PTN: variants seen among roughly 807,000 people sequenced by gnomAD.
PTN encodes the protein pleiotrophin, also known as heparin affin regulatory protein.
PTN carries 18 observed loss-of-function variants against 24.1 expected under a neutral mutation model. The observed-to-expected ratio is 0.75, with a 90% CI of 0.52 to 1.11. The LOEUF (loss-of-function observed/expected upper bound fraction) is 1.11, where lower values mean the gene tolerates loss of function less well. PTN is among the 50% of genes least tolerant of loss of function. The pLI is 0.00. For synonymous variants in PTN, 78 were observed against 68.6 expected, an observed-to-expected ratio of 1.14 and a Z score of -0.67; for missense variants, 163 against 198.8, an observed-to-expected ratio of 0.82 and a Z score of 1.08.
At chr7:137,338,842 T>C (rs768713821) in intron 1 of PTN, among the ~76,000 whole-genome samples, 13 of 152,114 alleles carry the variant, frequency 8.5e-5, no homozygotes, top group Non-Finnish European at 1.3e-4. Context: ...GAAAAAATAT[T>C]AAAAATGTGA....
chr7:137,257,518 T>C (rs1045997897), intron 1 of PTN, among the ~76,000 whole-genome samples: 2 of 152,226 alleles, frequency 1.3e-5, no homozygotes, highest in African/African-American at 4.8e-5. Context: ...TCTTTCATAA[T>C]GTACTCAAAT....
chr7:137,319,861 G>C (rs938419184), intron 1 of PTN, among the ~76,000 whole-genome samples: 7 of 152,138 alleles, frequency 4.6e-5, no homozygotes, highest in Admixed American at 4.6e-4. Context: ...GTAGCTTATA[G>C]TGTAACATCC....
intron 1 of PTN, among the ~76,000 whole-genome samples, chr7:137,290,698 T>C (rs529294489): frequency 6.6e-6 from 1 of 152,224 alleles, no homozygotes; most frequent in South Asian, 2.1e-4. Flanking sequence ...CAAAACCAAC[T>C]TCAAGAATTT....
chr7:137,259,707 T>A (rs1015794351), intron 1 of PTN, among the ~76,000 whole-genome samples: 57 of 151,774 alleles, frequency 3.8e-4, no homozygotes, highest in African/African-American at 1.4e-3. Flanking sequence ...GAGAGAGACA[T>A]GATTTAATTG....
intron 1 of PTN, among the ~76,000 whole-genome samples, chr7:137,332,753 CT>C (rs1404694368): frequency 1.3e-5 from 2 of 152,082 alleles, no homozygotes; most frequent in Admixed American, 1.3e-4. Flanking sequence ...AAATCCAGTT[CT>C]TTCAAGACCA....
Position 137,307,653 on chromosome 7 carries a change from CAT to C in PTN, c.-2+35784_-2+35785del, listed in dbSNP as rs1236201754. On this transcript the variant is annotated intron_variant, in intron 1 of 4. Transcript: ENST00000348225. The stretch of plus-strand genomic sequence containing the variant: ...ACATTACCTCCACAGTATGTATACA[CAT>C]ATATATATTTAATGTGAGTAATCCA... Among the ~76,000 whole-genome samples the C allele has an allele frequency of 6.6e-5, 10 of 152,036 alleles. No homozygotes were observed. In the East Asian group the frequency reaches 9.7e-4, roughly 15 times the overall value.
chr7:137,308,665 T>C (rs979013891), intron 1 of PTN, among the ~76,000 whole-genome samples: 1 of 152,126 alleles, frequency 6.6e-6, no homozygotes. Flanking sequence ...TAAGCCTTTA[T>C]GGCAGGCAGA....
chr7:137,228,942 T>C (rs1808381836), intron 4 of PTN, among the ~76,000 whole-genome samples: 1 of 151,862 alleles, frequency 6.6e-6, no homozygotes, highest in Admixed American at 6.6e-5. Context: ...GGCAGAAATA[T>C]ACTGGTTAAG....
chr7:137,275,334 A>C lies in PTN; in HGVS notation c.-1-20360T>G, dbSNP rs181343132. On this transcript the variant is annotated intron_variant, in intron 1 of 4. Transcript: ENST00000348225. The stretch of plus-strand genomic sequence containing the variant: ...AGGTCAGTTTAGTAATAAAAGAAGA[A>C]AGTATGGTATAGATGAGCTGAAGCC... Among the ~76,000 whole-genome samples, 236 of 152,324 alleles carry C rather than the reference A, an allele frequency of 1.5e-3. 1 individual carries two copies. Among genetic ancestry groups the C allele is most frequent in the Middle Eastern group, 6.8e-3 (2 of 294 alleles).
At chr7:137,311,024 A>G (rs1809972683) in intron 1 of PTN, among the ~76,000 whole-genome samples, 1 of 151,994 alleles carries the variant, frequency 6.6e-6, no homozygotes, top group Non-Finnish European at 1.5e-5. Flanking sequence ...TTGAGGTCAG[A>G]AGTTCGAAAC....
intron 4 of PTN, among the ~76,000 whole-genome samples, chr7:137,245,578 C>G (rs1191394588): frequency 6.6e-6 from 1 of 151,970 alleles, no homozygotes; most frequent in Non-Finnish European, 1.5e-5. Flanking sequence ...TACTTTTAAT[C>G]ATTATTTTAG....
rs991671378 is a variant in PTN at position 137,243,469 on chromosome 7, G to C, written c.451+7761C>G. ...GCATCATCTAGCCCCACAGGAGAGA[G>C]GGGTAAGTCTAATGATATACCCCAC... On this transcript the variant is annotated intron_variant, in intron 4 of 4. Transcript: ENST00000348225. 2.6e-5 allele frequency among the ~76,000 whole-genome samples: 4 copies of C among 152,212 alleles called. No individual in the cohort carries two copies. In the South Asian group the frequency reaches 8.3e-4, roughly 31 times the overall value.
chr7:137,279,653 A>G (rs1459892604), intron 1 of PTN, among the ~76,000 whole-genome samples: 1 of 152,236 alleles, frequency 6.6e-6, no homozygotes, highest in Non-Finnish European at 1.5e-5. Context: ...ATAGAGATAG[A>G]AAAGACTAAG....
At chr7:137,276,223 T>C (rs1809356743) in intron 1 of PTN, among the ~76,000 whole-genome samples, 1 of 152,196 alleles carries the variant, frequency 6.6e-6, no homozygotes, top group Admixed American at 6.5e-5. Flanking sequence ...ATTTGTTAAT[T>C]GATCTGTTAC....
intron 1 of PTN, among the ~76,000 whole-genome samples, chr7:137,289,573 G>A (rs1809608757): frequency 6.6e-6 from 1 of 152,272 alleles, no homozygotes; most frequent in East Asian, 1.9e-4. Flanking sequence ...TGTGGTCAGA[G>A]ACGGAGAAAG....
At chr7:137,307,223 C>T (rs563368610) in intron 1 of PTN, among the ~76,000 whole-genome samples, 3 of 152,224 alleles carry the variant, frequency 2.0e-5, no homozygotes, top group South Asian at 4.1e-4. Context: ...TCCTCATTGA[C>T]TCTTCATCAT....
At chr7:137,329,770 T>C (rs914616364) in intron 1 of PTN, among the ~76,000 whole-genome samples, 1 of 152,124 alleles carries the variant, frequency 6.6e-6, no homozygotes, top group African/African-American at 2.4e-5. Context: ...GCAACTGGCA[T>C]ATAGTGGGTA....
At chr7:137,242,292 G>A (rs1334014782) in intron 4 of PTN, among the ~76,000 whole-genome samples, 1 of 152,160 alleles carries the variant, frequency 6.6e-6, no homozygotes, top group Non-Finnish European at 1.5e-5. Flanking sequence ...CCAAAAAAGA[G>A]CAGCAAGATG....
intron 4 of PTN, among the ~76,000 whole-genome samples, chr7:137,242,859 G>T (rs1395426359): frequency 6.6e-6 from 1 of 152,194 alleles, no homozygotes. Context: ...GGTCCATCCG[G>T]CAGGGATGCT....
Sources: gnomAD v4.1 joint callset for allele counts (sites outside exome capture counted in the v4.1 genomes callset) on GRCh38, gnomAD v4.1.1 for gene constraint, MANE v1.5 for transcripts, NCBI Gene and HGNC (gene_info 2026-07-23, HGNC 2026-07-21) for gene names.